The following SLC9A8 variants were observed in gnomAD, a reference collection of about 807,000 sequenced individuals.
SLC9A8 encodes the protein sodium/hydrogen exchanger 8.
In SLC9A8, 48 loss-of-function variants were observed where a neutral mutation model predicts 66.6. The observed-to-expected ratio is 0.72, with a 90% CI of 0.57 to 0.92. The LOEUF (loss-of-function observed/expected upper bound fraction) is 0.92. Among genes scored for constraint, SLC9A8 ranks in the 40% least tolerant of loss-of-function variants. The probability of loss-of-function intolerance (pLI) is 0.00; values close to 1 mark genes in which losing one functional copy is unlikely to be tolerated. For synonymous variants in SLC9A8, 274 were observed against 282.6 expected (o/e 0.97, Z 0.31); for missense variants, 599 against 747.3 (o/e 0.80, Z 2.31).
intron 12 of SLC9A8, 59 bp downstream of exon 12, chr20:49,878,122 AT>A: frequency 9.9e-7 from 1 of 1,013,354 alleles, no homozygotes; most frequent in Non-Finnish European, 1.4e-6. Context: ...CAATAAACAC[AT>A]GTTCCGGATT....
intron 10 of SLC9A8, among the ~76,000 whole-genome samples, chr20:49,872,878 A>G (rs1255984908): frequency 6.6e-6 from 1 of 152,204 alleles, no homozygotes; most frequent in Non-Finnish European, 1.5e-5. Flanking sequence ...TTAAAGTTTG[A>G]CTTGGAATTA....
rs1310169707 is a variant in SLC9A8 at position 49,855,544 on chromosome 20, A to G, written c.676A>G (p.Ser226Gly). The G allele has an allele frequency of 6.2e-7, 1 of 1,614,212 alleles. No homozygotes were observed. Among genetic ancestry groups the G allele is most frequent in the Non-Finnish European group, 8.5e-7 (1 of 1,180,040 alleles). The change falls in exon 8 of 16, where the codon AGT becomes GGT. Residue 226 changes from serine to glycine, a missense_variant. Transcript: ENST00000361573. ...PVLNMLVFGE[S>G]ILNDAVSIVL... Reference sequence around the variant, plus strand: ...GCTCAACATGCTGGTCTTTGGAGAAAGTATTCTCAACGATGCAGTCTCCAT... The same window carrying G: ...GCTCAACATGCTGGTCTTTGGAGAAGGTATTCTCAACGATGCAGTCTCCAT...
chr20:49,855,799 CT>C (rs71339462), intron 8 of SLC9A8, among the ~76,000 whole-genome samples: 1 of 150,906 alleles, frequency 6.6e-6, no homozygotes, highest in Non-Finnish European at 1.5e-5. Flanking sequence ...GAGAGTCCAC[CT>C]TTTTTTTTGA....
intron 3 of SLC9A8, among the ~76,000 whole-genome samples, chr20:49,826,543 A>G (rs1405871472): frequency 1.3e-5 from 2 of 152,218 alleles, no homozygotes; most frequent in African/African-American, 4.8e-5. Flanking sequence ...GAAAAGGACC[A>G]TCTGCACTCC....
chr20:49,837,054 C>G (rs1600687295), intron 3 of SLC9A8, among the ~76,000 whole-genome samples: 1 of 152,164 alleles, frequency 6.6e-6, no homozygotes, highest in South Asian at 2.1e-4. Context: ...AAGGACAGAA[C>G]TCAAAGTCAC....
rs1242387970 is a variant in SLC9A8, at chr20:49,886,516, A to G, written c.1492-236A>G. The G allele has an allele frequency of 4.4e-6, 2 of 453,778 alleles. No homozygotes were observed. Among genetic ancestry groups the G allele is most frequent in the Non-Finnish European group, 7.8e-6 (2 of 256,958 alleles). 28.1% of individuals were successfully genotyped at this position (453,778 alleles called of 1,614,324 possible). A position where few individuals can be genotyped will look rare whatever the true frequency, so the allele number is the denominator to read the frequency against. On this transcript the variant is annotated intron_variant, in intron 14 of 15. Coordinates refer to ENST00000361573, the MANE Select transcript of SLC9A8 (RefSeq NM_015266.3). This position sits in a 1 kb window ranked among gnomAD's most constrained non-coding sequence, Gnocchi z 4.8. ...TAAAGACCAAGCCCCAGCCTGGCCCAGTCCTTCTGTTTTAGCTGTCCTAGG... is the reference window on the plus strand; with the variant it reads ...TAAAGACCAAGCCCCAGCCTGGCCCGGTCCTTCTGTTTTAGCTGTCCTAGG...
chr20:49,814,576 AT>A (rs1473090399), intron 1 of SLC9A8, among the ~76,000 whole-genome samples: 2 of 152,194 alleles, frequency 1.3e-5, no homozygotes, highest in Non-Finnish European at 2.9e-5. Context: ...GCATGCCCAG[AT>A]CAACAACTGG....
chr20:49,884,330 A>C (rs1344143476), intron 14 of SLC9A8, among the ~76,000 whole-genome samples: 2 of 138,890 alleles, frequency 1.4e-5, no homozygotes, highest in African/African-American at 2.8e-5. Context: ...ACACACACAC[A>C]CACACACCCC....
At chr20:49,855,154 T>G (rs1175655186) in intron 7 of SLC9A8, among the ~76,000 whole-genome samples, 1 of 152,174 alleles carries the variant, frequency 6.6e-6, no homozygotes, top group Non-Finnish European at 1.5e-5. Context: ...GTATGATAAA[T>G]ATATCTAAGC....
At chr20:49,844,056 T>C (rs1271209372) in intron 4 of SLC9A8, among the ~76,000 whole-genome samples, 1 of 152,036 alleles carries the variant, frequency 6.6e-6, no homozygotes, top group African/African-American at 2.4e-5. Context: ...AGATACCCAG[T>C]CTTGAACTTT....
intron 5 of SLC9A8, among the ~76,000 whole-genome samples, chr20:49,846,646 G>A (rs2088007086): frequency 1.3e-5 from 2 of 152,132 alleles, no homozygotes; most frequent in Non-Finnish European, 2.9e-5. Context: ...GGGCCCAGTG[G>A]CTCATGCCTA....
chr20:49,886,608 G>A lies in SLC9A8; in HGVS notation c.1492-144G>A, dbSNP rs150668558. 4.3e-4 allele frequency: 420 copies of A among 965,888 alleles called. 2 individuals are homozygous for A. The Middle Eastern group carries it at 9.3e-3, about 21-fold the overall frequency. 59.8% of individuals were successfully genotyped at this position (965,888 alleles called of 1,614,324 possible). ...CCTCCCTGCAGGCTCCCAGGAGGCC[G>A]TCTGCTGCCCGTCACCCTGCATTGA... On this transcript the variant is annotated intron_variant, in intron 14 of 15. Coordinates refer to ENST00000361573, the MANE Select transcript of SLC9A8 (RefSeq NM_015266.3). The surrounding 1 kb of genome is among the most constrained non-coding windows in gnomAD (Gnocchi z 4.8).
At chr20:49,881,601 T>A (rs2089628583) in intron 13 of SLC9A8, among the ~76,000 whole-genome samples, 1 of 152,224 alleles carries the variant, frequency 6.6e-6, no homozygotes, top group Non-Finnish European at 1.5e-5. Flanking sequence ...ATACTGTTCT[T>A]TATGCTTTCT....
intron 3 of SLC9A8, chr20:49,829,428 C>T (rs530601935): frequency 6.3e-5 from 11 of 175,140 alleles, no homozygotes; most frequent in Non-Finnish European, 1.3e-4. Context: ...GAGGCTGAGG[C>T]AGGAGAATAG....
At chr20:49,879,849 A>C (rs2089563204) in intron 12 of SLC9A8, among the ~76,000 whole-genome samples, 2 of 152,206 alleles carry the variant, frequency 1.3e-5, no homozygotes, top group African/African-American at 4.8e-5. Context: ...AATAAACTTA[A>C]AGCCTAAAGA....
intron 3 of SLC9A8, among the ~76,000 whole-genome samples, chr20:49,827,262 C>T (rs1437406162): frequency 6.7e-6 from 1 of 149,848 alleles, no homozygotes; most frequent in East Asian, 2.0e-4. Context: ...TTTTTACTGG[C>T]TGTGTAATGC....
chr20:49,844,805 AAATAAT>A (rs918148035), intron 4 of SLC9A8, among the ~76,000 whole-genome samples: 3 of 150,612 alleles, frequency 2.0e-5, no homozygotes, highest in African/African-American at 7.3e-5. Flanking sequence ...CTCTGTCTCA[AAATAAT>A]AATAATAATA....
At chr20:49,824,850 A>C (rs1047792706) in intron 3 of SLC9A8, among the ~76,000 whole-genome samples, 9 of 152,204 alleles carry the variant, frequency 5.9e-5, no homozygotes, top group African/African-American at 1.9e-4. Flanking sequence ...GCCAATGATT[A>C]GTTCAGAGGG....
chr20:49,834,212 T>TATATATAC, intron 3 of SLC9A8, among the ~76,000 whole-genome samples: 1 of 119,472 alleles, frequency 8.4e-6, no homozygotes, highest in Non-Finnish European at 1.6e-5. Flanking sequence ...TATATATATA[T>TATATATAC]ATACACACAC....
Sources: allele counts gnomAD v4.1 joint callset (sites outside exome capture counted in the v4.1 genomes callset), GRCh38; gene constraint gnomAD v4.1.1; non-coding constraint Gnocchi (gnomAD v3.1); transcripts MANE v1.5; gene names NCBI Gene and HGNC (gene_info 2026-07-23, HGNC 2026-07-21).